ZBTB20: variants seen among roughly 807,000 people sequenced by gnomAD.
ZBTB20 encodes the protein zinc finger and BTB domain-containing protein 20.
In ZBTB20, 9 loss-of-function variants were observed where a neutral mutation model predicts 56.9. The observed-to-expected ratio is 0.16, with a 90% CI of 0.10 to 0.28. The LOEUF (loss-of-function observed/expected upper bound fraction) is 0.28, where lower values mean the gene tolerates loss of function less well. Among genes scored for constraint, ZBTB20 ranks in the 10% least tolerant of loss-of-function variants. ZBTB20 has a pLI of 1.00. For missense variants in ZBTB20, 655 were observed against 1,003.0 expected, an observed-to-expected ratio of 0.65 and a Z score of 4.69; for synonymous variants, 417 against 420.7, an observed-to-expected ratio of 0.99 and a Z score of 0.11.
intron 7 of ZBTB20, among the ~76,000 whole-genome samples, chr3:114,483,882 A>G (rs1406698665): frequency 6.6e-6 from 1 of 152,012 alleles, no homozygotes; most frequent in Non-Finnish European, 1.5e-5. Flanking sequence ...AAAAATTGCA[A>G]GAGTAGTACT....
intron 7 of ZBTB20, among the ~76,000 whole-genome samples, chr3:114,455,784 C>A (rs914397845): frequency 6.6e-6 from 1 of 152,132 alleles, no homozygotes; most frequent in African/African-American, 2.4e-5. Context: ...CCCGGGTGCA[C>A]TCCAAGGTAC....
Position 115,053,932 on chromosome 3 carries a change from C to T in ZBTB20, c.-507+17287G>A, listed in dbSNP as rs76596499. 2.7e-3 allele frequency among the ~76,000 whole-genome samples: 411 copies of T among 152,204 alleles called. 2 individuals carry two copies. Among genetic ancestry groups the T allele is most frequent in the Non-Finnish European group, 4.6e-3 (313 of 67,962 alleles). On this transcript the variant is annotated intron_variant, in intron 2 of 11. Transcript: ENST00000675478. ...TGGTTTATCATTATATTGCAAAAAA[C>T]TCTCCCATAAACTACTAATGATTGT...
intron 1 of ZBTB20, among the ~76,000 whole-genome samples, chr3:115,115,698 T>A (rs1490201533): frequency 6.6e-6 from 1 of 152,066 alleles, no homozygotes; most frequent in Non-Finnish European, 1.5e-5. Flanking sequence ...AATATGTTTG[T>A]ATTTTAATAT....
chr3:114,719,387 A>T (rs1260429451), intron 5 of ZBTB20, among the ~76,000 whole-genome samples: 2 of 152,124 alleles, frequency 1.3e-5, no homozygotes, highest in Non-Finnish European at 2.9e-5. Flanking sequence ...AAAAGATCCA[A>T]CACAAAGCTA....
intron 2 of ZBTB20, among the ~76,000 whole-genome samples, chr3:115,070,153 A>T (rs1030287670): frequency 1.3e-5 from 2 of 152,096 alleles, no homozygotes; most frequent in Admixed American, 1.3e-4. Context: ...TGGAAAGCAA[A>T]CTGAATGAGG....
At chr3:114,771,369 G>T (rs1264555377) in intron 5 of ZBTB20, among the ~76,000 whole-genome samples, 2 of 152,028 alleles carry the variant, frequency 1.3e-5, no homozygotes, top group Non-Finnish European at 2.9e-5. Flanking sequence ...ACTAAAAACT[G>T]ACTTACAAAT....
intron 7 of ZBTB20, among the ~76,000 whole-genome samples, chr3:114,443,223 T>G (rs1054571183): frequency 6.6e-5 from 10 of 152,144 alleles, no homozygotes; most frequent in African/African-American, 2.4e-4. Flanking sequence ...GAATACACAA[T>G]TGGCTTATAA....
intron 6 of ZBTB20, among the ~76,000 whole-genome samples, chr3:114,536,125 A>G (rs1008980800): frequency 6.6e-6 from 1 of 152,170 alleles, no homozygotes. Flanking sequence ...CCTATTTAAC[A>G]CAGTATTGGA....
chr3:114,963,043 C>CT (rs902810005), intron 3 of ZBTB20, among the ~76,000 whole-genome samples: 15 of 148,188 alleles, frequency 1.0e-4, no homozygotes, highest in South Asian at 2.2e-4. Context: ...TCACAGCTCA[C>CT]TTTTTTTTTT....
At chr3:114,511,309 T>G (rs887569469) in intron 6 of ZBTB20, among the ~76,000 whole-genome samples, 3 of 152,108 alleles carry the variant, frequency 2.0e-5, no homozygotes, top group Non-Finnish European at 4.4e-5. Flanking sequence ...AAAAGAATCA[T>G]CATATTGTAA....
chr3:114,317,349 CT>C lies in ZBTB20; in HGVS notation c.*21655del, dbSNP rs1159025451. 1 of 152,106 alleles carries C rather than the reference CT, an allele frequency of 6.6e-6. No homozygotes were observed. 9.4% of individuals were successfully genotyped at this position (152,106 alleles called of 1,614,324 possible). On this transcript the variant is annotated 3_prime_UTR_variant, in exon 12 of 12. Coordinates refer to ENST00000675478, the MANE Select transcript of ZBTB20 (RefSeq NM_001348800.3). ...GCACCAGAGATCTTCAGGAATGCAT[CT>C]TTTTTCTAAACACACCCACACCACC...
At chr3:114,723,337 A>C (rs980042231) in intron 5 of ZBTB20, among the ~76,000 whole-genome samples, 5 of 152,152 alleles carry the variant, frequency 3.3e-5, no homozygotes, top group Non-Finnish European at 7.4e-5. Flanking sequence ...TAATTTTGTG[A>C]CTTTTCATTA....
chr3:114,458,742 T>C (rs2092175501), intron 7 of ZBTB20, among the ~76,000 whole-genome samples: 1 of 151,782 alleles, frequency 6.6e-6, no homozygotes, highest in Non-Finnish European at 1.5e-5. Context: ...TTTTTTTTTA[T>C]CTCCAAACAT....
intron 5 of ZBTB20, among the ~76,000 whole-genome samples, chr3:114,746,128 G>A (rs998085733): frequency 6.6e-6 from 1 of 152,158 alleles, no homozygotes; most frequent in Admixed American, 6.5e-5. Context: ...ATTGCCCTGG[G>A]CAATTGAATA....
intron 10 of ZBTB20, among the ~76,000 whole-genome samples, chr3:114,356,907 A>G (rs1338728042): frequency 6.6e-6 from 1 of 152,152 alleles, no homozygotes; most frequent in African/African-American, 2.4e-5. Flanking sequence ...TCTCATTAGT[A>G]TCATCACAGT....
rs372739437 is a variant in ZBTB20, at chr3:114,426,211, C to T, written c.-254-37106G>A. On this transcript the variant is annotated intron_variant, in intron 7 of 11. Coordinates refer to ENST00000675478, the MANE Select transcript of ZBTB20 (RefSeq NM_001348800.3). ...AAAATTAGCTGGGCGTGGTGGCGGGCGCCTGTAGTCCCAGCTACTTGGGAG... is the reference window on the plus strand; with the variant it reads ...AAAATTAGCTGGGCGTGGTGGCGGGTGCCTGTAGTCCCAGCTACTTGGGAG... Among the ~76,000 whole-genome samples, 345 of 151,910 alleles carry T rather than the reference C, an allele frequency of 2.3e-3. 1 individual carries two copies. Among genetic ancestry groups the T allele is most frequent in the African/African-American group, 7.5e-3 (309 of 41,378 alleles).
chr3:114,982,089 G>T (rs1341008864), intron 2 of ZBTB20, among the ~76,000 whole-genome samples: 3 of 151,998 alleles, frequency 2.0e-5, no homozygotes, highest in Non-Finnish European at 4.4e-5. Context: ...CAGCTAGTAA[G>T]TGTGGAATTA....
intron 6 of ZBTB20, among the ~76,000 whole-genome samples, chr3:114,677,201 T>C (rs573562845): frequency 2.2e-4 from 34 of 152,338 alleles, no homozygotes; most frequent in Non-Finnish European, 3.8e-4. Context: ...AAAATGAATT[T>C]AAGGTAGATC....
intron 6 of ZBTB20, among the ~76,000 whole-genome samples, chr3:114,629,017 G>T (rs777282061): frequency 2.0e-5 from 3 of 152,026 alleles, no homozygotes; most frequent in Admixed American, 6.6e-5. Context: ...CTGGATCTTT[G>T]ATGAAAACCA....
Sources: gnomAD v4.1 joint callset for allele counts (sites outside exome capture counted in the v4.1 genomes callset) on GRCh38, gnomAD v4.1.1 for gene constraint, MANE v1.5 for transcripts, NCBI Gene and HGNC (gene_info 2026-07-23, HGNC 2026-07-21) for gene names.